Variants in ANTXR2 observed in about 807,000 individuals in gnomAD.
The protein encoded by ANTXR2 is anthrax toxin receptor 2.
A neutral mutation model predicts 73.7 loss-of-function variants in ANTXR2; 44 were observed. The ratio of observed to expected loss-of-function variants is 0.60; its 90% CI spans 0.47 to 0.77. The LOEUF (loss-of-function observed/expected upper bound fraction) is 0.77. ANTXR2 is among the 30% of genes least tolerant of loss of function. ANTXR2 has a pLI of 0.00. For synonymous variants in ANTXR2, 217 were observed against 205.9 expected (o/e 1.05, Z -0.46); for missense variants, 604 against 592.5 (o/e 1.02, Z -0.20).
chr4:80,055,924 TA>T lies in ANTXR2; in HGVS notation c.378+7del. 6.6e-7 allele frequency: 1 copy of T among 1,507,012 alleles called. No individual in the cohort carries two copies. The highest frequency in any genetic ancestry group is 8.9e-7 in the Non-Finnish European group (1 of 1,120,736). The allele number at this position is 1,507,012 out of a possible 1,614,324, so 93.4% of individuals were successfully genotyped here. On this transcript the variant is annotated splice_region_variant and intron_variant, in intron 4 of 16. Coordinates refer to ENST00000403729, the MANE Select transcript of ANTXR2 (RefSeq NM_058172.6). ...CTCTCCCATATTTACAAATGTAAAA[TA>T]ACTTACTAGCTTTAGTCCTTCATGG... is the stretch of plus-strand genomic sequence containing the variant.
chr4:80,002,864 C>T (rs563929848), intron 12 of ANTXR2, among the ~76,000 whole-genome samples: 4 of 149,542 alleles, frequency 2.7e-5, no homozygotes, highest in East Asian at 2.0e-4. Context: ...CAATGAGATA[C>T]CATCTCACAC....
chr4:80,072,740 G>A lies in ANTXR2; in HGVS notation c.-180C>T. 1 of 1,330,172 alleles carries A rather than the reference G, an allele frequency of 7.5e-7. No homozygotes were observed. The highest frequency in any genetic ancestry group is 9.6e-7 in the Non-Finnish European group (1 of 1,044,728). 82.4% of individuals were successfully genotyped at this position (1,330,172 alleles called of 1,614,324 possible). A position where few individuals can be genotyped will look rare whatever the true frequency, so the allele number is the denominator to read the frequency against. On this transcript the variant is annotated 5_prime_UTR_variant, in exon 1 of 17. Coordinates refer to ENST00000403729, the MANE Select transcript of ANTXR2 (RefSeq NM_058172.6). ...ACAGGGAGGGAGAGAGGGAGGTCCT[G>A]AGAGGACAAAGGGAGTCTCCGCCAC...
intron 14 of ANTXR2, among the ~76,000 whole-genome samples, chr4:79,981,736 C>T (rs534089788): frequency 6.6e-6 from 1 of 152,114 alleles, no homozygotes; most frequent in Non-Finnish European, 1.5e-5. Flanking sequence ...TCCACACTTG[C>T]TTTTCCATTT....
intron 3 of ANTXR2, among the ~76,000 whole-genome samples, chr4:80,061,923 C>T (rs191356030): frequency 1.1e-4 from 16 of 152,256 alleles, no homozygotes; most frequent in African/African-American, 3.1e-4. Context: ...TACTGCTTAA[C>T]GGATGAACCT....
intron 7 of ANTXR2, among the ~76,000 whole-genome samples, chr4:80,039,313 T>C (rs996169373): frequency 5.3e-5 from 8 of 152,166 alleles, no homozygotes; most frequent in Non-Finnish European, 1.2e-4. Flanking sequence ...GAGTTTACCA[T>C]GTTCCAATAT....
chr4:80,056,101 T>G, intron 3 of ANTXR2, 88 bp from the exon 4 acceptor site: 1 of 841,558 alleles, frequency 1.2e-6, no homozygotes, highest in East Asian at 3.1e-5. Context: ...GTATTGTAAC[T>G]AAGCTTTCTT....
Position 80,067,332 on chromosome 4 carries a change from C to G in ANTXR2, c.296+2104G>C, listed in dbSNP as rs942597994. 2.0e-5 allele frequency among the ~76,000 whole-genome samples: 3 copies of G among 152,182 alleles called. No individual in the cohort carries two copies. The East Asian group carries it at 5.8e-4, about 29-fold the overall frequency. On this transcript the variant is annotated intron_variant, in intron 3 of 16. Coordinates refer to ENST00000403729, the MANE Select transcript of ANTXR2 (RefSeq NM_058172.6). The stretch of plus-strand genomic sequence containing the variant: ...GTTAAAGATTTAAACCCCTTCCATG[C>G]GTATCTAAGCAATACCAATCTGGTC...
At chr4:80,022,698 T>C (rs72855819) in intron 10 of ANTXR2, among the ~76,000 whole-genome samples, 52 of 152,324 alleles carry the variant, frequency 3.4e-4, no homozygotes, top group African/African-American at 1.2e-3. Context: ...GGCTTTCTTA[T>C]GGGCAAAAAT....
rs1734854513 is a variant in ANTXR2, at chr4:80,072,514, A to C, written c.47T>G (p.Phe16Cys). The C allele has an allele frequency of 1.9e-6, 3 of 1,603,520 alleles. No homozygotes were observed. Among genetic ancestry groups the C allele is most frequent in the Non-Finnish European group, 2.6e-6 (3 of 1,175,720 alleles). The change falls in exon 1 of 17, where the codon TTC becomes TGC. Residue 16 changes from phenylalanine to cysteine, a missense_variant. Phe to Cys is a radical substitution (Grantham distance 205, BLOSUM62 -2). Coordinates refer to ENST00000403729, the MANE Select transcript of ANTXR2 (RefSeq NM_058172.6). ...SPARSPGSWL[F>C]PGLWLLVLSG... is the part of the protein sequence containing the mutation. ...GAGCACCAACAGCCACAGCCCGGGG[A>C]ACAGCCAGCTCCCGGGGCTGCGGGC...
chr4:80,048,638 T>C (rs1465673257), intron 7 of ANTXR2, among the ~76,000 whole-genome samples: 1 of 151,774 alleles, frequency 6.6e-6, no homozygotes, highest in Non-Finnish European at 1.5e-5. Flanking sequence ...AGCTAAGGTA[T>C]TATCAGAGTG....
chr4:79,926,945 G>GTA (rs146147133), intron 16 of ANTXR2, among the ~76,000 whole-genome samples: 31 of 52,754 alleles, frequency 5.9e-4, no homozygotes, highest in African/African-American at 1.6e-3. Context: ...GCATATATGT[G>GTA]TATATATACG....
intron 14 of ANTXR2, among the ~76,000 whole-genome samples, chr4:79,979,998 T>C (rs527626850): frequency 6.6e-6 from 1 of 152,284 alleles, no homozygotes; most frequent in South Asian, 2.1e-4. Flanking sequence ...TGTTTCACAG[T>C]TGATATTGCA....
At chr4:79,953,147 G>A (rs1331787950) in intron 16 of ANTXR2, among the ~76,000 whole-genome samples, 1 of 152,092 alleles carries the variant, frequency 6.6e-6, no homozygotes, top group Non-Finnish European at 1.5e-5. Context: ...TCAGTTCCCA[G>A]TACTCACACA....
rs1352938091 is a variant in ANTXR2, at chr4:79,902,692, T to A, written c.*4737A>T. On this transcript the variant is annotated 3_prime_UTR_variant, in exon 17 of 17. Coordinates refer to ENST00000403729, the MANE Select transcript of ANTXR2 (RefSeq NM_058172.6). ...TAAGAAATTAACTAAGAAATTATTA[T>A]GGCTAATTATCAACATATACTATAG... The A allele has an allele frequency of 6.6e-6, 1 of 151,556 alleles. No homozygotes were observed. The highest frequency in any genetic ancestry group is 2.4e-5 in the African/African-American group (1 of 41,358). 9.4% of individuals were successfully genotyped at this position (151,556 alleles called of 1,614,324 possible). A position where few individuals can be genotyped will look rare whatever the true frequency, so the allele number is the denominator to read the frequency against.
At chr4:80,029,433 T>G (rs1486265703) in intron 10 of ANTXR2, among the ~76,000 whole-genome samples, 1 of 152,012 alleles carries the variant, frequency 6.6e-6, no homozygotes, top group African/African-American at 2.4e-5. Context: ...ACCAATCAAA[T>G]GACCTCTTTC....
At chr4:79,986,257 A>C (rs1730157319) in intron 12 of ANTXR2, among the ~76,000 whole-genome samples, 2 of 152,178 alleles carry the variant, frequency 1.3e-5, no homozygotes, top group South Asian at 4.1e-4. Flanking sequence ...CAAAGTCTCT[A>C]TACTAAGAGG....
chr4:80,024,297 G>A (rs371009565), intron 10 of ANTXR2, among the ~76,000 whole-genome samples: 4 of 152,302 alleles, frequency 2.6e-5, no homozygotes, highest in African/African-American at 9.6e-5. Flanking sequence ...CAAGTTTAAG[G>A]TGCCTGTAGA....
chr4:79,956,983 C>G (rs927761252), intron 16 of ANTXR2, among the ~76,000 whole-genome samples: 2 of 152,070 alleles, frequency 1.3e-5, no homozygotes, highest in Admixed American at 6.6e-5. Flanking sequence ...ACCTAAGAAT[C>G]CACTTGACCA....
intron 7 of ANTXR2, among the ~76,000 whole-genome samples, chr4:80,039,474 T>G (rs1189791935): frequency 6.6e-6 from 1 of 152,004 alleles, no homozygotes; most frequent in African/African-American, 2.4e-5. Flanking sequence ...GATATCAAAA[T>G]GGGTGAACAG....
Sources: gnomAD v4.1 joint callset for allele counts (sites outside exome capture counted in the v4.1 genomes callset) on GRCh38, gnomAD v4.1.1 for gene constraint, MANE v1.5 for transcripts, NCBI Gene and HGNC (gene_info 2026-07-23, HGNC 2026-07-21) for gene names.